Variants in ARIH2 observed in about 807,000 individuals in gnomAD.
ARIH2 encodes E3 ubiquitin-protein ligase ARIH2.
Under a neutral mutation model 79.8 loss-of-function variants are expected in ARIH2, and 12 were observed. The observed-to-expected ratio is 0.15, with a 90% CI of 0.10 to 0.24. ARIH2 has a LOEUF of 0.24. Ranked by LOEUF, ARIH2 falls within the 10% of genes least tolerant of loss-of-function variation. ARIH2 has a pLI of 1.00. For missense variants in ARIH2, 301 were observed against 618.3 expected (o/e 0.49, Z 5.44); for synonymous variants, 224 against 213.9 (o/e 1.05, Z -0.41).
intron 3 of ARIH2, among the ~76,000 whole-genome samples, chr3:48,954,251 C>A (rs982888674): frequency 6.6e-6 from 1 of 151,846 alleles, no homozygotes; most frequent in African/African-American, 2.4e-5. Context: ...GTCAGGAGAT[C>A]GAGACCATCC....
At chr3:48,953,440 GTC>G (rs2090193593) in intron 3 of ARIH2, among the ~76,000 whole-genome samples, 1 of 151,916 alleles carries the variant, frequency 6.6e-6, no homozygotes, top group South Asian at 2.1e-4. Context: ...GTCTCGCTCT[GTC>G]TCCCAGGCTG....
At chr3:48,969,708 C>T (rs1406816575) in intron 7 of ARIH2, among the ~76,000 whole-genome samples, 2 of 151,938 alleles carry the variant, frequency 1.3e-5, no homozygotes, top group African/African-American at 2.4e-5. Flanking sequence ...AGGCTGGTCT[C>T]GAACTTCTGA....
intron 3 of ARIH2, among the ~76,000 whole-genome samples, chr3:48,933,826 C>T (rs2086738537): frequency 6.6e-6 from 1 of 152,118 alleles, no homozygotes; most frequent in Non-Finnish European, 1.5e-5. Flanking sequence ...GCTGGGATTA[C>T]AGGTGTGAGC....
intron 9 of ARIH2, among the ~76,000 whole-genome samples, 198 bp downstream of exon 9, chr3:48,974,014 T>C (rs1013406934): frequency 2.0e-4 from 30 of 152,132 alleles, no homozygotes; most frequent in Non-Finnish European, 3.5e-4. Flanking sequence ...ATATTTTCTT[T>C]ATTATGATGA....
At chr3:48,967,018 T>C in intron 5 of ARIH2, 107 bp from the exon 6 acceptor site, 1 of 1,223,314 alleles carries the variant, frequency 8.2e-7, no homozygotes, top group Non-Finnish European at 1.2e-6. Flanking sequence ...GCTCTGATAC[T>C]TGTTGCAGGG....
rs574168219 is a variant in ARIH2, at chr3:48,927,849, C to T, written c.255+36C>T. The T allele has an allele frequency of 1.2e-5, 20 of 1,602,818 alleles. 1 individual carries two copies. The South Asian group carries it at 1.8e-4, about 14-fold the overall frequency. On this transcript the variant is annotated intron_variant, in intron 3 of 15. Coordinates refer to ENST00000356401, the MANE Select transcript of ARIH2 (RefSeq NM_006321.4). ...TTGTAAACTCCAGTGTAATCCCCCC[C>T]AGTTAAATCTAAGGATGAGCTGTTG...
intron 3 of ARIH2, among the ~76,000 whole-genome samples, chr3:48,956,735 A>G (rs1280667312): frequency 3.3e-5 from 5 of 150,298 alleles, no homozygotes; most frequent in East Asian, 2.0e-4. Flanking sequence ...GTTTTGCTCT[A>G]TCACCCAGGC....
intron 3 of ARIH2, among the ~76,000 whole-genome samples, chr3:48,935,884 C>T (rs1378563027): frequency 6.6e-6 from 1 of 152,128 alleles, no homozygotes; most frequent in African/African-American, 2.4e-5. Flanking sequence ...CAATGTATTG[C>T]TGACTGGTGC....
Position 48,983,188 on chromosome 3 carries a change from C to T in ARIH2, c.1411-11C>T. 1 of 1,614,224 alleles carries T rather than the reference C, an allele frequency of 6.2e-7. No individual in the cohort carries two copies. Among genetic ancestry groups the T allele is most frequent in the Non-Finnish European group, 8.5e-7 (1 of 1,180,030 alleles). ...GGCCATGCAAGCACACACCTTGTTT[C>T]TCTGATGCAGGACTTGGAGAACCAG... On this transcript the variant is annotated splice_polypyrimidine_tract_variant and intron_variant, in intron 15 of 15. Coordinates refer to ENST00000356401, the MANE Select transcript of ARIH2 (RefSeq NM_006321.4).
At chr3:48,978,138 A>G (rs2107673635) in intron 11 of ARIH2, among the ~76,000 whole-genome samples, 1 of 152,316 alleles carries the variant, frequency 6.6e-6, no homozygotes, top group East Asian at 1.9e-4. Context: ...CCATGTGCTC[A>G]TGGAATGCAG....
At chr3:48,950,359 T>G (rs2089791794) in intron 3 of ARIH2, among the ~76,000 whole-genome samples, 1 of 152,190 alleles carries the variant, frequency 6.6e-6, no homozygotes, top group African/African-American at 2.4e-5. Flanking sequence ...TTCCATTTTC[T>G]AAATGATGTC....
At chr3:48,934,331 T>C (rs992107120) in intron 3 of ARIH2, 2 of 861,106 alleles carry the variant, frequency 2.3e-6, no homozygotes, top group African/African-American at 1.8e-5. Flanking sequence ...AAAACTTTAA[T>C]TATTAAATCA....
chr3:48,969,892 G>GTTT (rs1316536295), intron 7 of ARIH2, among the ~76,000 whole-genome samples: 1 of 137,364 alleles, frequency 7.3e-6, no homozygotes. Context: ...TCAGATATAT[G>GTTT]TTTTTTTTTT....
Position 48,953,623 on chromosome 3 carries a change from G to C in ARIH2, c.256-7989G>C, listed in dbSNP as rs146244085. The stretch of plus-strand genomic sequence containing the variant: ...TCACCGTGTCAGCCAGGATGGTCTC[G>C]ATCTCCTGATCTCATGATCCGCCCA... On this transcript the variant is annotated intron_variant, in intron 3 of 15. Transcript: ENST00000356401. 8.3e-4 allele frequency among the ~76,000 whole-genome samples: 126 copies of C among 151,464 alleles called. No individual in the cohort carries two copies. The Middle Eastern group carries it at 0.017, about 21-fold the overall frequency.
intron 3 of ARIH2, among the ~76,000 whole-genome samples, chr3:48,937,014 C>T (rs1361015862): frequency 2.0e-5 from 3 of 151,590 alleles, no homozygotes; most frequent in East Asian, 1.9e-4. Flanking sequence ...GGCAACACAG[C>T]GAGACTCCGT....
intron 13 of ARIH2, among the ~76,000 whole-genome samples, chr3:48,981,282 G>A (rs1356619706): frequency 6.7e-6 from 1 of 149,888 alleles, no homozygotes; most frequent in Non-Finnish European, 1.5e-5. Context: ...CAGTGAGTGG[G>A]GATTGCACCA....
At chr3:48,919,283 G>T in intron 1 of ARIH2, 1 of 1,098,706 alleles carries the variant, frequency 9.1e-7, no homozygotes, top group Non-Finnish European at 1.2e-6. Context: ...CTCTCTCCCT[G>T]TCTGGCGCGG....
intron 3 of ARIH2, among the ~76,000 whole-genome samples, chr3:48,932,885 T>A (rs2086561074): frequency 6.6e-6 from 1 of 151,950 alleles, no homozygotes; most frequent in Non-Finnish European, 1.5e-5. Flanking sequence ...GAAGGTGGTG[T>A]AGAAGGGCAA....
intron 1 of ARIH2, 40 bp downstream of exon 1, chr3:48,919,038 C>T: frequency 2.2e-6 from 3 of 1,353,934 alleles, no homozygotes; most frequent in Non-Finnish European, 2.8e-6. Context: ...TTTACCTTGG[C>T]TGGCCGCTGG....
Sources: gnomAD v4.1 joint callset for allele counts (sites outside exome capture counted in the v4.1 genomes callset) on GRCh38, gnomAD v4.1.1 for gene constraint, MANE v1.5 for transcripts, NCBI Gene and HGNC (gene_info 2026-07-23, HGNC 2026-07-21) for gene names.